The following CAMK1G variants were observed in gnomAD, a reference collection of about 807,000 sequenced individuals.
CAMK1G encodes the protein calcium/calmodulin-dependent protein kinase type 1G.
CAMK1G carries 27 observed loss-of-function variants against 54.8 expected under a neutral mutation model. The observed-to-expected ratio is 0.49, with a 90% CI of 0.36 to 0.68. The LOEUF (loss-of-function observed/expected upper bound fraction) is 0.68. CAMK1G is among the 30% of genes least tolerant of loss of function. The pLI, the probability that CAMK1G is intolerant of heterozygous loss-of-function variation, is 0.00. For missense variants in CAMK1G, 512 were observed against 591.0 expected (o/e 0.87, Z 1.39); for synonymous variants, 238 against 224.9 (o/e 1.06, Z -0.52).
intron 1 of CAMK1G, among the ~76,000 whole-genome samples, chr1:209,584,803 G>A (rs557769010): frequency 3.3e-5 from 5 of 152,254 alleles, no homozygotes; most frequent in Admixed American, 2.6e-4. Context: ...ACAGAACAAG[G>A]TCCCTGTCAT....
At chr1:209,608,005 CCT>C (rs1257239565) in intron 7 of CAMK1G, 72 bp downstream of exon 7, 9 of 1,193,728 alleles carry the variant, frequency 7.5e-6, no homozygotes, top group African/African-American at 1.5e-5. Flanking sequence ...CGTTCCCTCC[CCT>C]GTCTCAGCTC....
chr1:209,591,843 A>G (rs1223766881), intron 1 of CAMK1G, among the ~76,000 whole-genome samples: 1 of 152,110 alleles, frequency 6.6e-6, no homozygotes, highest in African/African-American at 2.4e-5. Context: ...AAAGGCCCTG[A>G]TCCCAGCTGT....
chr1:209,596,315 T>C lies in CAMK1G; in HGVS notation c.92+1240T>C, dbSNP rs564304022. Reference sequence around the variant, plus strand: ...TGGCAGGAGAAAGAGACAAGCCTCATGAGTAAGTCAGAAATGATTTGCTAA... The same window carrying C: ...TGGCAGGAGAAAGAGACAAGCCTCACGAGTAAGTCAGAAATGATTTGCTAA... On this transcript the variant is annotated intron_variant, in intron 2 of 12. Transcript: ENST00000361322. Among the ~76,000 whole-genome samples the C allele has an allele frequency of 7.2e-4, 109 of 152,224 alleles. 1 individual carries two copies. Among genetic ancestry groups the C allele is most frequent in the Admixed American group, 5.9e-4 (9 of 15,298 alleles).
At position 209,611,349 on chromosome 1, in the gene CAMK1G, G is replaced by C. The variant is rs756903668; in HGVS notation, c.828-116G>C. ...TTGCAGCCCTTTCCTGCTGTGGGCTGTCTTTCCTCTGCACACTCTACCCAG... is the reference window on the plus strand; with the variant it reads ...TTGCAGCCCTTTCCTGCTGTGGGCTCTCTTTCCTCTGCACACTCTACCCAG... On this transcript the variant is annotated intron_variant, in intron 9 of 12. Transcript: ENST00000361322. 3 of 849,354 alleles carry C rather than the reference G, an allele frequency of 3.5e-6. No individual in the cohort carries two copies. The African/African-American group carries it at 5.1e-5, about 14-fold the overall frequency. 52.6% of individuals were successfully genotyped at this position (849,354 alleles called of 1,614,324 possible). A position where few individuals can be genotyped will look rare whatever the true frequency, so the allele number is the denominator to read the frequency against.
intron 9 of CAMK1G, 93 bp from the exon 10 acceptor site, chr1:209,611,372 C>G: frequency 2.7e-6 from 3 of 1,096,392 alleles, no homozygotes; most frequent in Non-Finnish European, 4.1e-6. Context: ...ACACTCTACC[C>G]AGCTCTCACC....
chr1:209,590,784 A>G (rs1665226744), intron 1 of CAMK1G, among the ~76,000 whole-genome samples: 1 of 152,138 alleles, frequency 6.6e-6, no homozygotes, highest in African/African-American at 2.4e-5. Flanking sequence ...GCTTTGTTAA[A>G]TGTTCAAACC....
chr1:209,609,200 A>G (rs9430006), intron 8 of CAMK1G, 108 bp downstream of exon 8: 324,982 of 1,317,824 alleles, frequency 0.25, 43,579 homozygotes, highest in Non-Finnish European at 0.27. Context: ...GTCCCTGGGG[A>G]TCTTACAGAA....
chr1:209,608,807 T>C (rs1316141166), intron 7 of CAMK1G, among the ~76,000 whole-genome samples, 173 bp from the exon 8 acceptor site: 3 of 152,184 alleles, frequency 2.0e-5, no homozygotes, highest in African/African-American at 7.2e-5. Context: ...ATAAACACTT[T>C]ACGGGACCTG....
In CAMK1G at chr1:209,589,519, C is replaced by T. The variant is rs139454333; in HGVS notation, c.-29-5436C>T. On this transcript the variant is annotated intron_variant, in intron 1 of 12. Transcript: ENST00000361322. ...AAAGCAATATAAAGAATACATCCAC[C>T]CACCTTCTATACTCATCTTAAGTCT... is the stretch of plus-strand genomic sequence containing the variant. Among the ~76,000 whole-genome samples the T allele has an allele frequency of 4.5e-4, 69 of 152,270 alleles. No individual in the cohort carries two copies. The East Asian group carries it at 0.013, about 28-fold the overall frequency.
At chr1:209,601,752 G>A (rs755236460) in intron 3 of CAMK1G, among the ~76,000 whole-genome samples, 36 of 152,302 alleles carry the variant, frequency 2.4e-4, no homozygotes, top group Admixed American at 6.5e-4. Context: ...CTAAAATATC[G>A]TAAAGAAGAT....
chr1:209,603,175 G>C, intron 3 of CAMK1G, 39 bp from the exon 4 acceptor site: 1 of 1,609,914 alleles, frequency 6.2e-7, no homozygotes, highest in Non-Finnish European at 8.5e-7. Context: ...TGTACAACCT[G>C]AACCACATAC....
intron 5 of CAMK1G, among the ~76,000 whole-genome samples, chr1:209,605,971 G>A (rs531706463): frequency 1.1e-4 from 17 of 152,284 alleles, no homozygotes; most frequent in African/African-American, 4.1e-4. Flanking sequence ...TTTACTGAGG[G>A]CCTACATTGT....
At chr1:209,610,077 C>A (rs1665746106) in intron 9 of CAMK1G, 148 bp downstream of exon 9, 1 of 706,582 alleles carries the variant, frequency 1.4e-6, no homozygotes, top group Non-Finnish European at 2.5e-6. Flanking sequence ...GTTCATCAGG[C>A]CCAGGTAGAG....
At chr1:209,611,673 C>T in intron 10 of CAMK1G, 119 bp from the exon 11 acceptor site, 3 of 1,466,276 alleles carry the variant, frequency 2.0e-6, no homozygotes, top group Non-Finnish European at 2.8e-6. Context: ...TCCGTGTACC[C>T]TCTCTGAAAT....
intron 1 of CAMK1G, among the ~76,000 whole-genome samples, chr1:209,589,401 A>G (rs1464936648): frequency 6.6e-6 from 1 of 152,182 alleles, no homozygotes; most frequent in Non-Finnish European, 1.5e-5. Context: ...CTGCTGTGCC[A>G]TGGGCAGAGC....
intron 2 of CAMK1G, among the ~76,000 whole-genome samples, chr1:209,595,983 T>G (rs1374234090): frequency 6.6e-6 from 1 of 152,198 alleles, no homozygotes; most frequent in Non-Finnish European, 1.5e-5. Context: ...CCCCAGCTGG[T>G]CAGCTAATTA....
At chr1:209,594,547 G>A (rs1403468977) in intron 1 of CAMK1G, among the ~76,000 whole-genome samples, 2 of 152,218 alleles carry the variant, frequency 1.3e-5, no homozygotes, top group Non-Finnish European at 2.9e-5. Flanking sequence ...GAGAAAAATT[G>A]AGGGAGGTGG....
intron 5 of CAMK1G, 117 bp downstream of exon 5, chr1:209,605,791 C>G (rs1170364077): frequency 1.0e-6 from 1 of 982,056 alleles, no homozygotes; most frequent in Non-Finnish European, 1.5e-6. Context: ...CTCCCAAGGC[C>G]CCTTCTGCCC....
intron 1 of CAMK1G, among the ~76,000 whole-genome samples, chr1:209,594,725 T>C (rs1418728123): frequency 6.6e-6 from 1 of 152,270 alleles, no homozygotes; most frequent in Non-Finnish European, 1.5e-5. Context: ...GATGTGAGCA[T>C]GCAGCAAGCA....
Sources: gnomAD v4.1 joint callset for allele counts (sites outside exome capture counted in the v4.1 genomes callset) on GRCh38, gnomAD v4.1.1 for gene constraint, MANE v1.5 for transcripts, NCBI Gene and HGNC (gene_info 2026-07-23, HGNC 2026-07-21) for gene names.